The following HSD17B14 variants were observed in gnomAD, a reference collection of about 807,000 sequenced individuals.
HSD17B14 encodes hydroxysteroid 17-beta dehydrogenase 14.
In HSD17B14, 32 loss-of-function variants were observed where a neutral mutation model predicts 32.2. The observed-to-expected ratio is 0.99, with a 90% CI of 0.75 to 1.33. The LOEUF (loss-of-function observed/expected upper bound fraction) is 1.33. Ranked by LOEUF, HSD17B14 falls within the 40% of genes most tolerant of loss-of-function variation. HSD17B14 has a pLI of 0.00. For missense variants in HSD17B14, 370 were observed against 366.5 expected, an observed-to-expected ratio of 1.01 and a Z score of -0.08; for synonymous variants, 140 against 155.4, an observed-to-expected ratio of 0.90 and a Z score of 0.74.
At chr19:48,833,698 T>C (rs1417792406) in intron 3 of HSD17B14, among the ~76,000 whole-genome samples, 1 of 152,032 alleles carries the variant, frequency 6.6e-6, no homozygotes, top group Admixed American at 6.6e-5. Flanking sequence ...TGGTGGCACA[T>C]GCCTGAAATC....
rs142213103 is a variant in HSD17B14 at position 48,823,028 on chromosome 19, C to T, written c.370-7887G>A. On this transcript the variant is annotated intron_variant, in intron 5 of 8. Coordinates refer to ENST00000263278, the MANE Select transcript of HSD17B14 (RefSeq NM_016246.3). The stretch of plus-strand genomic sequence containing the variant: ...TGAACAAGCAGACAAAAGTCTTTGC[C>T]CTCAGGGAAAACAAAGGCAATATGC... Among the ~76,000 whole-genome samples, 19 of 152,172 alleles carry T rather than the reference C, an allele frequency of 1.2e-4. 1 individual carries two copies. In the East Asian group the frequency reaches 2.9e-3, roughly 23 times the overall value.
chr19:48,831,232 G>A (rs182350395), intron 5 of HSD17B14, among the ~76,000 whole-genome samples: 3 of 152,270 alleles, frequency 2.0e-5, no homozygotes, highest in South Asian at 2.1e-4. Flanking sequence ...TAGATTTGCT[G>A]GATGTAGAGA....
At chr19:48,823,621 AT>A (rs2035195124) in intron 5 of HSD17B14, among the ~76,000 whole-genome samples, 1 of 148,362 alleles carries the variant, frequency 6.7e-6, no homozygotes, top group African/African-American at 2.5e-5. Flanking sequence ...ATACTACTAT[AT>A]TTTTCTTTTC....
At position 48,835,634 on chromosome 19, in the gene HSD17B14, C is replaced by T. The variant is rs1195513850; in HGVS notation, c.127+171G>A. Among the ~76,000 whole-genome samples, 23 of 142,244 alleles carry T rather than the reference C, an allele frequency of 1.6e-4. No individual in the cohort carries two copies. In the East Asian group the frequency reaches 3.5e-3, roughly 21 times the overall value. 93.3% of individuals were successfully genotyped at this position (142,244 alleles called of 152,430 possible). A position where few individuals can be genotyped will look rare whatever the true frequency, so the allele number is the denominator to read the frequency against. ...GGTCTGAGGGCAGAGGGGCTGGGGGCCTGGACTCCTAGGTCTGAGGGAGGA... is the reference window on the plus strand; with the variant it reads ...GGTCTGAGGGCAGAGGGGCTGGGGGTCTGGACTCCTAGGTCTGAGGGAGGA... On this transcript the variant is annotated intron_variant, in intron 2 of 8. Coordinates refer to ENST00000263278, the MANE Select transcript of HSD17B14 (RefSeq NM_016246.3).
At chr19:48,834,778 G>A (rs12983595) in intron 2 of HSD17B14, among the ~76,000 whole-genome samples, 22 of 96,456 alleles carry the variant, frequency 2.3e-4, no homozygotes, top group African/African-American at 3.8e-4. Flanking sequence ...TGAGGGAGGA[G>A]GGGCTGGGAG....
intron 2 of HSD17B14, among the ~76,000 whole-genome samples, chr19:48,835,264 G>A (rs1284552178): frequency 1.9e-5 from 1 of 53,992 alleles, no homozygotes; most frequent in Non-Finnish European, 3.2e-5. Flanking sequence ...GAGGGGCTGG[G>A]GGCCTGGACT....
At chr19:48,830,548 G>A (rs151004558) in intron 5 of HSD17B14, among the ~76,000 whole-genome samples, 81 of 152,120 alleles carry the variant, frequency 5.3e-4, no homozygotes, top group African/African-American at 1.9e-3. Flanking sequence ...AGCGCTAGCC[G>A]TCTCTGGGCT....
chr19:48,835,590 C>T (rs571583832), intron 2 of HSD17B14, among the ~76,000 whole-genome samples: 8 of 136,034 alleles, frequency 5.9e-5, no homozygotes, highest in South Asian at 2.3e-4. Flanking sequence ...GGAGGAGGGG[C>T]TGGGGACCTG....
At chr19:48,832,328 G>C (rs979319201) in intron 4 of HSD17B14, among the ~76,000 whole-genome samples, 5 of 149,366 alleles carry the variant, frequency 3.3e-5, no homozygotes, top group Non-Finnish European at 7.4e-5. Context: ...GCAGTGAGCT[G>C]AGATCACACC....
chr19:48,824,321 G>A (rs1446372113), intron 5 of HSD17B14, among the ~76,000 whole-genome samples: 1 of 129,650 alleles, frequency 7.7e-6, no homozygotes, highest in Non-Finnish European at 1.7e-5. Context: ...CCAGCTACTC[G>A]GCGGGCTGAG....
chr19:48,831,503 A>C (rs972127873), intron 5 of HSD17B14, among the ~76,000 whole-genome samples, 165 bp downstream of exon 5: 1 of 151,962 alleles, frequency 6.6e-6, no homozygotes, highest in Non-Finnish European at 1.5e-5. Context: ...CAGTGAGCTG[A>C]GATCACACCA....
intron 5 of HSD17B14, among the ~76,000 whole-genome samples, chr19:48,823,066 G>C (rs914901606): frequency 2.1e-4 from 32 of 152,176 alleles, no homozygotes; most frequent in African/African-American, 7.7e-4. Flanking sequence ...ATGTTGTCGG[G>C]ATCCTGGTGT....
chr19:48,835,719 G>T, intron 2 of HSD17B14, 86 bp downstream of exon 2: 1 of 1,370,012 alleles, frequency 7.3e-7, no homozygotes, highest in Non-Finnish European at 1.0e-6. Flanking sequence ...TGGACTCCGG[G>T]GTCTGAGGGA....
intron 5 of HSD17B14, among the ~76,000 whole-genome samples, chr19:48,822,412 G>C (rs2035173294): frequency 6.6e-6 from 1 of 150,984 alleles, no homozygotes; most frequent in South Asian, 2.1e-4. Context: ...TGGTAATGAT[G>C]GTGGTGATGA....
At position 48,813,535 on chromosome 19, in the gene HSD17B14, A is replaced by G. The variant is rs1171313937; in HGVS notation, c.560T>C (p.Ile187Thr). 1 of 1,613,934 alleles carries G rather than the reference A, an allele frequency of 6.2e-7. No individual in the cohort carries two copies. The highest frequency in any genetic ancestry group is 8.5e-7 in the Non-Finnish European group (1 of 1,180,002). ...CAGCTCCTCCCACAGCGGGGTCCAG[A>G]TGTTTCCTGGGGAGATACTAGAGGA... The part of the protein sequence containing the change: ...VRVNCISPGN[I>T]WTPLWEELAA... The change falls in exon 8 of 9, where the codon ATC becomes ACC. Residue 187 changes from isoleucine (I) to threonine (T), a missense_variant. Ile to Thr is a moderately conservative substitution (Grantham distance 89, BLOSUM62 -1). Transcript: ENST00000263278.
chr19:48,833,624 C>T (rs12459187), intron 3 of HSD17B14, among the ~76,000 whole-genome samples: 22,891 of 151,806 alleles, frequency 0.15, 2,080 homozygotes, highest in Admixed American at 0.26. Flanking sequence ...GTTGGGAGTT[C>T]GAGACCAGCC....
At chr19:48,832,779 G>A (rs780106730) in intron 3 of HSD17B14, 47 bp from the exon 4 acceptor site, 20 of 1,471,664 alleles carry the variant, frequency 1.4e-5, no homozygotes, top group Admixed American at 1.9e-5. Context: ...TGGAGACGGT[G>A]TCTCCCTCTT....
chr19:48,816,192 C>T (rs1486205278), intron 5 of HSD17B14, among the ~76,000 whole-genome samples: 2 of 152,078 alleles, frequency 1.3e-5, no homozygotes, highest in African/African-American at 2.4e-5. Context: ...TTTGATCTCG[C>T]TTGCCTTAGA....
chr19:48,827,650 G>C (rs1409818592), intron 5 of HSD17B14, among the ~76,000 whole-genome samples: 1 of 151,578 alleles, frequency 6.6e-6, no homozygotes, highest in Non-Finnish European at 1.5e-5. Flanking sequence ...CAATTCTCCT[G>C]CCTCAGCCTC....
Sources: gnomAD v4.1 joint callset for allele counts (sites outside exome capture counted in the v4.1 genomes callset) on GRCh38, gnomAD v4.1.1 for gene constraint, MANE v1.5 for transcripts, NCBI Gene and HGNC (gene_info 2026-07-23, HGNC 2026-07-21) for gene names.